Variants in PLD1 observed in about 807,000 individuals in gnomAD.
PLD1 encodes phospholipase D1, also known as choline phosphatase 1.
A neutral mutation model predicts 137.1 loss-of-function variants in PLD1; 112 were observed. That is an observed-to-expected ratio of 0.82 (90% CI 0.70 to 0.96). The LOEUF (loss-of-function observed/expected upper bound fraction) is 0.96, where lower values mean the gene tolerates loss of function less well. Among genes scored for constraint, PLD1 ranks in the 40% least tolerant of loss-of-function variants. The pLI is 0.00. For synonymous variants in PLD1, 431 were observed against 454.7 expected (o/e 0.95, Z 0.66); for missense variants, 1,321 against 1,342.0 (o/e 0.98, Z 0.24).
At chr3:171,626,578 A>G (rs1321684068) in intron 23 of PLD1, among the ~76,000 whole-genome samples, 1 of 152,200 alleles carries the variant, frequency 6.6e-6, no homozygotes, top group Non-Finnish European at 1.5e-5. Flanking sequence ...AAATGAAGGA[A>G]AAAATGTTAA....
intron 6 of PLD1, among the ~76,000 whole-genome samples, chr3:171,729,709 T>C (rs1250178986): frequency 6.6e-6 from 1 of 152,208 alleles, no homozygotes; most frequent in Non-Finnish European, 1.5e-5. Flanking sequence ...TTCTCAACGC[T>C]AAGACTCAAT....
intron 1 of PLD1, among the ~76,000 whole-genome samples, chr3:171,799,337 TAAAAAAAAAAAAA>T (rs758379833): frequency 1.7e-5 from 1 of 57,866 alleles, no homozygotes; most frequent in African/African-American, 6.8e-5. Flanking sequence ...AGACTCCGTC[TAAAAAAAAAAAAA>T]AAAAAAAAAA....
chr3:171,763,830 CTTTTTTTT>C (rs71178234), intron 1 of PLD1, among the ~76,000 whole-genome samples: 1 of 86,740 alleles, frequency 1.2e-5, no homozygotes. Context: ...TTCTTTCTTT[CTTTTTTTT>C]TTTTTTTTTT....
intron 1 of PLD1, among the ~76,000 whole-genome samples, chr3:171,757,443 G>A (rs1416986170): frequency 6.6e-6 from 1 of 152,122 alleles, no homozygotes; most frequent in Admixed American, 6.6e-5. Flanking sequence ...ACACAAAGCA[G>A]GAATACCCAG....
At chr3:171,798,979 A>G (rs1187281369) in intron 1 of PLD1, among the ~76,000 whole-genome samples, 1 of 152,224 alleles carries the variant, frequency 6.6e-6, no homozygotes, top group African/African-American at 2.4e-5. Context: ...TGGGGGCATC[A>G]TTCTGGTCCC....
At chr3:171,664,904 A>C (rs1447417549) in intron 19 of PLD1, among the ~76,000 whole-genome samples, 1 of 152,218 alleles carries the variant, frequency 6.6e-6, no homozygotes, top group East Asian at 1.9e-4. Context: ...AAAATGGCAT[A>C]ACAAACACAA....
At chr3:171,790,382 T>G (rs1342588044) in intron 1 of PLD1, among the ~76,000 whole-genome samples, 1 of 152,208 alleles carries the variant, frequency 6.6e-6, no homozygotes, top group Non-Finnish European at 1.5e-5. Context: ...GACTGATTCA[T>G]GATGTTACGG....
intron 1 of PLD1, chr3:171,788,619 T>G (rs944631453): frequency 2.0e-5 from 3 of 152,096 alleles, no homozygotes; most frequent in Non-Finnish European, 4.4e-5. Context: ...GTTGAATTGT[T>G]TAAAAACTTT....
At chr3:171,721,759 C>T (rs950009411) in intron 8 of PLD1, among the ~76,000 whole-genome samples, 85 of 151,416 alleles carry the variant, frequency 5.6e-4, no homozygotes, top group African/African-American at 2.0e-3. Flanking sequence ...ACTTCTCTCC[C>T]AGCGACAGAT....
chr3:171,698,737 C>A (rs1327399949), intron 12 of PLD1, among the ~76,000 whole-genome samples: 1 of 150,798 alleles, frequency 6.6e-6, no homozygotes, highest in Non-Finnish European at 1.5e-5. Flanking sequence ...GTGGGCAGAT[C>A]ACCTGAGGTC....
intron 24 of PLD1, among the ~76,000 whole-genome samples, chr3:171,614,066 G>C (rs1393367414): frequency 6.6e-6 from 1 of 152,162 alleles, no homozygotes; most frequent in African/African-American, 2.4e-5. Context: ...AATGAGAAAA[G>C]CTGCCCTTTC....
intron 1 of PLD1, among the ~76,000 whole-genome samples, chr3:171,753,253 CAG>C (rs1266410110): frequency 2.0e-5 from 3 of 152,178 alleles, no homozygotes; most frequent in African/African-American, 7.2e-5. Context: ...TACTAAGGAA[CAG>C]AGATATTCTC....
intron 16 of PLD1, among the ~76,000 whole-genome samples, chr3:171,684,190 A>C (rs539875558): frequency 6.6e-6 from 1 of 152,280 alleles, no homozygotes; most frequent in South Asian, 2.1e-4. Flanking sequence ...TACTGGACTC[A>C]GCACCTCACT....
chr3:171,774,691 C>T (rs924703466), intron 1 of PLD1, among the ~76,000 whole-genome samples: 2 of 152,190 alleles, frequency 1.3e-5, no homozygotes, highest in African/African-American at 2.4e-5. Context: ...AGGCTTGTGC[C>T]GTAAACCCCG....
At chr3:171,717,616 G>A (rs1392931349) in intron 8 of PLD1, among the ~76,000 whole-genome samples, 1 of 152,172 alleles carries the variant, frequency 6.6e-6, no homozygotes, top group Non-Finnish European at 1.5e-5. Flanking sequence ...TCAGCTCAAG[G>A]AGTTTTTGGG....
chr3:171,609,113 C>T (rs574927294), intron 25 of PLD1, among the ~76,000 whole-genome samples: 2 of 152,160 alleles, frequency 1.3e-5, no homozygotes, highest in Admixed American at 1.3e-4. Flanking sequence ...AGAAGACACA[C>T]AAGCAGCCAA....
At chr3:171,730,724 C>T (rs1202491744) in intron 6 of PLD1, among the ~76,000 whole-genome samples, 4 of 150,108 alleles carry the variant, frequency 2.7e-5, no homozygotes, top group Non-Finnish European at 5.9e-5. Context: ...CTGCAACCTC[C>T]GCCTCCCGGG....
rs113437354 is a variant in PLD1, at chr3:171,624,457, T to C, written c.2594-3937A>G. On this transcript the variant is annotated intron_variant, in intron 23 of 26. Coordinates refer to ENST00000351298, the MANE Select transcript of PLD1 (RefSeq NM_002662.5). ...TTCATACAAATTTTTTGAAGGGTCATTTAGCAATATCTAACAAAGCTACCT... is the reference window on the plus strand; with the variant it reads ...TTCATACAAATTTTTTGAAGGGTCACTTAGCAATATCTAACAAAGCTACCT... 3.3e-5 allele frequency among the ~76,000 whole-genome samples: 5 copies of C among 152,198 alleles called. No homozygotes were observed. In the East Asian group the frequency reaches 5.8e-4, roughly 18 times the overall value.
intron 21 of PLD1, among the ~76,000 whole-genome samples, chr3:171,656,642 GCT>G (rs1737225106): frequency 6.6e-6 from 1 of 152,248 alleles, no homozygotes; most frequent in South Asian, 2.1e-4. Context: ...GGTGAGTCAA[GCT>G]CTCTGTAATC....
Sources: allele counts gnomAD v4.1 joint callset (sites outside exome capture counted in the v4.1 genomes callset), GRCh38; gene constraint gnomAD v4.1.1; transcripts MANE v1.5; gene names NCBI Gene and HGNC (gene_info 2026-07-23, HGNC 2026-07-21).